LGR5: variants seen among roughly 807,000 people sequenced by gnomAD.
The protein encoded by LGR5 is leucine-rich repeat-containing G protein-coupled receptor 5.
In LGR5, 54 loss-of-function variants were observed where a neutral mutation model predicts 76.7. The ratio of observed to expected loss-of-function variants is 0.70; its 90% CI spans 0.57 to 0.88. The LOEUF is 0.88. Ranked by LOEUF, LGR5 falls within the 40% of genes least tolerant of loss-of-function variation. The pLI is 0.00. For synonymous variants in LGR5, 406 were observed against 421.9 expected (o/e 0.96, Z 0.46); for missense variants, 1,078 against 1,073.3 (o/e 1.00, Z -0.06).
intron 1 of LGR5, among the ~76,000 whole-genome samples, chr12:71,463,666 C>G (rs1313327456): frequency 6.6e-6 from 1 of 152,054 alleles, no homozygotes. Context: ...GCTTTGAGAC[C>G]AATTTACGAT....
intron 3 of LGR5, among the ~76,000 whole-genome samples, chr12:71,526,696 A>G (rs1404801261): frequency 1.3e-5 from 2 of 152,172 alleles, no homozygotes; most frequent in Non-Finnish European, 2.9e-5. Context: ...ATTTTTGTGG[A>G]AAGTGTATCT....
chr12:71,486,641 A>G (rs539624848), intron 1 of LGR5, among the ~76,000 whole-genome samples: 5 of 152,158 alleles, frequency 3.3e-5, no homozygotes, highest in Non-Finnish European at 7.4e-5. Context: ...GTAGGGCACA[A>G]TTGTGTTGTG....
In LGR5 at chr12:71,566,966, G is replaced by T; in HGVS notation, c.1070+54G>T. 4.8e-6 allele frequency: 6 copies of T among 1,262,922 alleles called. 1 individual carries two copies. The South Asian group carries it at 6.0e-5, about 13-fold the overall frequency. The allele number at this position is 1,262,922 out of a possible 1,614,324, so 78.2% of individuals were successfully genotyped here. ...GTAAACAGGCAACTTCCATTTAGGG[G>T]TGAAATGGCAGACATGATTTCAATA... On this transcript the variant is annotated intron_variant, in intron 11 of 17. Coordinates refer to ENST00000266674, the MANE Select transcript of LGR5 (RefSeq NM_003667.4).
chr12:71,467,108 T>C (rs1872898319), intron 1 of LGR5, among the ~76,000 whole-genome samples: 1 of 152,262 alleles, frequency 6.6e-6, no homozygotes, highest in Non-Finnish European at 1.5e-5. Context: ...GGTTTGTTTC[T>C]ATTCCATAAA....
At chr12:71,475,767 C>T (rs1426927091) in intron 1 of LGR5, among the ~76,000 whole-genome samples, 1 of 152,064 alleles carries the variant, frequency 6.6e-6, no homozygotes, top group East Asian at 1.9e-4. Flanking sequence ...AGAAAATTCT[C>T]AGAGAGTTTA....
At chr12:71,583,574 G>C in intron 17 of LGR5, 73 bp from the exon 18 acceptor site, 1 of 1,504,716 alleles carries the variant, frequency 6.6e-7, no homozygotes, top group Non-Finnish European at 9.0e-7. Context: ...TAAATAAAGA[G>C]ACAAAAGGGT....
chr12:71,511,010 A>G (rs10748178), intron 2 of LGR5, among the ~76,000 whole-genome samples: 89,184 of 152,024 alleles, frequency 0.59, 26,506 homozygotes, highest in East Asian at 0.85. Flanking sequence ...CAGTTAAGCC[A>G]TGTATGGAAT....
At chr12:71,458,893 T>G (rs974428887) in intron 1 of LGR5, among the ~76,000 whole-genome samples, 1 of 151,836 alleles carries the variant, frequency 6.6e-6, no homozygotes, top group African/African-American at 2.4e-5. Flanking sequence ...AGGAGTGCAC[T>G]AAAAGAGAAC....
intron 1 of LGR5, among the ~76,000 whole-genome samples, chr12:71,445,363 G>A (rs901549508): frequency 2.0e-5 from 3 of 152,158 alleles, no homozygotes; most frequent in Non-Finnish European, 4.4e-5. Flanking sequence ...TAGTCCTGTT[G>A]CTATTTTTGA....
chr12:71,564,700 ACACACTGTATATAT>A, intron 8 of LGR5, among the ~76,000 whole-genome samples: 1 of 14,246 alleles, frequency 7.0e-5, no homozygotes, highest in East Asian at 0.012. Context: ...ATATATGTAC[ACACACTGTATATAT>A]ACATATATAC....
At chr12:71,471,639 TTG>T (rs1199951569) in intron 1 of LGR5, among the ~76,000 whole-genome samples, 17 of 148,814 alleles carry the variant, frequency 1.1e-4, no homozygotes, top group African/African-American at 3.5e-4. Flanking sequence ...TAAAGCTGTT[TTG>T]TTTTTTTTTT....
rs200359280 is a variant in LGR5, at chr12:71,580,278, G to C, written c.1407G>C (p.Lys469Asn). The change falls in exon 16 of 18, where the codon AAG becomes AAC. Residue 469 changes from lysine (K) to asparagine (N), a missense_variant and splice_region_variant. Physicochemically the swap from Lys to Asn is moderately conservative, Grantham distance 94. Transcript: ENST00000266674. ...TTGTTTGGGTTTTGTTCATTTAAAG[G>C]GTTATAGAAATGCCTTATGCTTACC... is the stretch of plus-strand genomic sequence containing the variant. ...LISSENFPEL[K>N]VIEMPYAYQC... 413 of 1,606,812 alleles carry C rather than the reference G, an allele frequency of 2.6e-4. 2 individuals carry two copies. The highest frequency in any genetic ancestry group is 2.6e-4 in the Admixed American group (15 of 58,458).
chr12:71,472,764 T>C (rs1047701151), intron 1 of LGR5, among the ~76,000 whole-genome samples: 4 of 152,246 alleles, frequency 2.6e-5, no homozygotes, highest in Non-Finnish European at 4.4e-5. Flanking sequence ...AACACTGGCA[T>C]TGTAACACTA....
intron 4 of LGR5, among the ~76,000 whole-genome samples, chr12:71,540,889 T>C (rs1181105593): frequency 6.6e-6 from 1 of 152,204 alleles, no homozygotes; most frequent in Non-Finnish European, 1.5e-5. Context: ...GTTTTAGTAT[T>C]GGTGATATTC....
Position 71,524,493 on chromosome 12 carries a change from G to GT in LGR5, c.356+18dup. On this transcript the variant is annotated intron_variant, in intron 3 of 17. Transcript: ENST00000266674. ...TTAAAGTTCTGTAAGTAAACTGAGT[G>GT]TTGTTGGATATATTTCTGATTTTAG... The GT allele has an allele frequency of 6.4e-7, 1 of 1,572,650 alleles. No individual in the cohort carries two copies. Among genetic ancestry groups the GT allele is most frequent in the Non-Finnish European group, 8.7e-7 (1 of 1,142,894 alleles).
In LGR5 at chr12:71,540,722, C is replaced by G. The variant is rs866823720; in HGVS notation, c.428+5536C>G. The stretch of plus-strand genomic sequence containing the variant: ...CAAGCCTAGAACCAGGAGCAGTTTT[C>G]TCCCATTAATATCCAGGAGGCTATT... On this transcript the variant is annotated intron_variant, in intron 4 of 17. Coordinates refer to ENST00000266674, the MANE Select transcript of LGR5 (RefSeq NM_003667.4). 2.8e-4 allele frequency among the ~76,000 whole-genome samples: 43 copies of G among 152,238 alleles called. 1 individual carries two copies. The highest frequency in any genetic ancestry group is 6.8e-3 in the Middle Eastern group (2 of 294).
intron 2 of LGR5, among the ~76,000 whole-genome samples, chr12:71,515,838 A>G (rs1875406977): frequency 6.6e-6 from 1 of 152,230 alleles, no homozygotes; most frequent in African/African-American, 2.4e-5. Flanking sequence ...ATCATGTTCA[A>G]GTTCATTCTA....
intron 8 of LGR5, among the ~76,000 whole-genome samples, chr12:71,566,190 A>G (rs750396852): frequency 1.3e-5 from 2 of 152,172 alleles, no homozygotes; most frequent in Non-Finnish European, 2.9e-5. Flanking sequence ...AGAAATCTTC[A>G]ATTTTATATA....
chr12:71,451,823 G>C (rs1207484880), intron 1 of LGR5, among the ~76,000 whole-genome samples: 1 of 152,126 alleles, frequency 6.6e-6, no homozygotes, highest in African/African-American at 2.4e-5. Flanking sequence ...CCCTCCTAGG[G>C]CTAGGGAATT....
Sources: allele counts gnomAD v4.1 joint callset (sites outside exome capture counted in the v4.1 genomes callset), GRCh38; gene constraint gnomAD v4.1.1; transcripts MANE v1.5; gene names NCBI Gene and HGNC (gene_info 2026-07-23, HGNC 2026-07-21).